Variants in SGCD observed in about 807,000 individuals in gnomAD.
SGCD encodes delta-sarcoglycan.
A neutral mutation model predicts 36.6 loss-of-function variants in SGCD; 18 were observed. That is an observed-to-expected ratio of 0.49 (90% CI 0.34 to 0.73). The LOEUF is 0.73. Among genes scored for constraint, SGCD ranks in the 30% least tolerant of loss-of-function variants. The probability of loss-of-function intolerance (pLI) is 0.01; values close to 1 mark genes in which losing one functional copy is unlikely to be tolerated. For synonymous variants in SGCD, 133 were observed against 130.6 expected, an observed-to-expected ratio of 1.02 and a Z score of -0.12; for missense variants, 387 against 346.7, an observed-to-expected ratio of 1.12 and a Z score of -0.92.
At chr5:156,678,473 A>G (rs1334849199) in intron 7 of SGCD, among the ~76,000 whole-genome samples, 1 of 152,204 alleles carries the variant, frequency 6.6e-6, no homozygotes, top group Non-Finnish European at 1.5e-5. Context: ...TTTTAGATAA[A>G]TACATAAGTG....
intron 3 of SGCD, among the ~76,000 whole-genome samples, chr5:156,223,613 G>A (rs1468756120): frequency 4.6e-5 from 7 of 152,012 alleles, no homozygotes; most frequent in Admixed American, 4.6e-4. Flanking sequence ...GAAATAGTTT[G>A]GATTTAGCTT....
the SGCD span, among the ~76,000 whole-genome samples, chr5:155,744,533 C>A: frequency 6.6e-6 from 1 of 152,032 alleles, no homozygotes; most frequent in Non-Finnish European, 1.5e-5. Context: ...TATGACCATA[C>A]AATAAAAGAC....
At chr5:156,644,975 A>G (rs754755515) in intron 6 of SGCD, among the ~76,000 whole-genome samples, 4 of 152,016 alleles carry the variant, frequency 2.6e-5, no homozygotes, top group Non-Finnish European at 5.9e-5. Flanking sequence ...CTAGGAGGGA[A>G]AAGAGCCCTT....
the SGCD span, among the ~76,000 whole-genome samples, chr5:155,785,691 T>C: frequency 1.3e-5 from 2 of 152,196 alleles, no homozygotes. Flanking sequence ...TTATTACATA[T>C]GCACACATAT....
intron 1 of SGCD, among the ~76,000 whole-genome samples, chr5:155,952,489 T>C (rs1757567301): frequency 6.6e-6 from 1 of 152,154 alleles, no homozygotes; most frequent in Non-Finnish European, 1.5e-5. Context: ...ATTATAAATG[T>C]CCTCCACTTG....
intron 1 of SGCD, among the ~76,000 whole-genome samples, chr5:155,936,433 G>T (rs968878888): frequency 1.8e-4 from 28 of 152,180 alleles, no homozygotes; most frequent in Admixed American, 5.2e-4. Context: ...AGACGCTGGG[G>T]TGGGTAGCTC....
the SGCD span, among the ~76,000 whole-genome samples, chr5:155,831,186 C>A: frequency 3.3e-5 from 5 of 152,182 alleles, no homozygotes; most frequent in Non-Finnish European, 7.3e-5. Flanking sequence ...AGTCCTTAAG[C>A]TACTGAGATG....
intron 4 of SGCD, among the ~76,000 whole-genome samples, chr5:156,533,795 A>T (rs2431771): frequency 0.57 from 85,874 of 151,960 alleles, 24,907 homozygotes; most frequent in African/African-American, 0.7. Flanking sequence ...TCTATATTCA[A>T]TTTGCCTTAT....
chr5:156,496,977 C>G (rs1288030924), intron 3 of SGCD, among the ~76,000 whole-genome samples: 1 of 152,112 alleles, frequency 6.6e-6, no homozygotes, highest in African/African-American at 2.4e-5. Context: ...CATGGATTGT[C>G]TGATTTAATC....
the SGCD span, among the ~76,000 whole-genome samples, chr5:155,832,874 T>G: frequency 6.6e-6 from 1 of 151,978 alleles, no homozygotes; most frequent in African/African-American, 2.4e-5. Flanking sequence ...GCCATACTCT[T>G]TCTAGGAATC....
At chr5:155,838,775 CAAA>C in the SGCD span, among the ~76,000 whole-genome samples, 6,578 of 118,338 alleles carry the variant, frequency 0.056, 172 homozygotes, top group Middle Eastern at 0.17. Context: ...AAGAGATTTG[CAAA>C]AAAAAAAAAA....
At position 156,759,278 on chromosome 5, in the gene SGCD, C is replaced by T. The variant is rs372607729; in HGVS notation, c.761C>T (p.Thr254Ile). The change falls in exon 9 of 9, where the codon ACA (threonine) becomes ATA (isoleucine). Residue 254 changes from threonine (T) to isoleucine (I), a missense_variant. Transcript: ENST00000337851. ...CTGCCTCATGGATCCTACACGCCTA[C>T]AGGAACGAGGCAGAAGGTCTTCGAG... ...PRLPHGSYTP[T>I]GTRQKVFEIC... 8 of 1,613,350 alleles carry T rather than the reference C, an allele frequency of 5.0e-6. No homozygotes were observed. The highest frequency in any genetic ancestry group is 5.1e-6 in the Non-Finnish European group (6 of 1,179,318).
chr5:156,288,508 T>A (rs1766674440), intron 3 of SGCD, among the ~76,000 whole-genome samples: 1 of 152,164 alleles, frequency 6.6e-6, no homozygotes, highest in Non-Finnish European at 1.5e-5. Context: ...CATCGTCGTG[T>A]TCAGTGTTTG....
At chr5:156,377,174 T>G (rs1770717937) in intron 3 of SGCD, among the ~76,000 whole-genome samples, 1 of 152,222 alleles carries the variant, frequency 6.6e-6, no homozygotes, top group Non-Finnish European at 1.5e-5. Flanking sequence ...AACTTTAAGC[T>G]AATTAGTCTA....
the SGCD span, among the ~76,000 whole-genome samples, chr5:155,753,762 G>C: frequency 3.0e-4 from 45 of 152,270 alleles, no homozygotes; most frequent in African/African-American, 9.9e-4. Context: ...TGTAGGGATA[G>C]GGTTCCCAGG....
chr5:156,335,453 C>G (rs1424941192), intron 2 of SGCD, among the ~76,000 whole-genome samples: 1 of 152,190 alleles, frequency 6.6e-6, no homozygotes, highest in Non-Finnish European at 1.5e-5. Context: ...CAATAATACT[C>G]ATATCCTGGA....
intron 3 of SGCD, among the ~76,000 whole-genome samples, chr5:156,251,214 AT>A (rs1765568119): frequency 1.3e-5 from 2 of 152,148 alleles, no homozygotes; most frequent in Non-Finnish European, 2.9e-5. Flanking sequence ...GAATTACAGA[AT>A]TTTTTCTCTC....
chr5:155,768,154 G>A, the SGCD span, among the ~76,000 whole-genome samples: 1 of 152,090 alleles, frequency 6.6e-6, no homozygotes, highest in African/African-American at 2.4e-5. Flanking sequence ...GAGATGGGTG[G>A]AAGGAAATGA....
chr5:156,051,338 A>G lies in SGCD; in HGVS notation c.-281-66540A>G, dbSNP rs114456474. On this transcript the variant is annotated intron_variant, in intron 1 of 9. Coordinates refer to the SGCD transcript ENST00000517913. ...CTGCATTTCTCTTCTTCCATGAATTACTTAAGATTCATAAGTACCCTGGTT... is the reference window on the plus strand; with the variant it reads ...CTGCATTTCTCTTCTTCCATGAATTGCTTAAGATTCATAAGTACCCTGGTT... 7.5e-3 allele frequency among the ~76,000 whole-genome samples: 1,096 copies of G among 146,262 alleles called. 76 individuals carry two copies. Among genetic ancestry groups the G allele is most frequent in the African/African-American group, 0.025 (1,011 of 40,722 alleles).
Sources: gnomAD v4.1 joint callset for allele counts (sites outside exome capture counted in the v4.1 genomes callset) on GRCh38, gnomAD v4.1.1 for gene constraint, MANE v1.5 for transcripts, NCBI Gene and HGNC (gene_info 2026-07-23, HGNC 2026-07-21) for gene names.